Variants in CSNK1G3 observed in about 807,000 individuals in gnomAD.
CSNK1G3 encodes casein kinase 1 gamma 3, also known as casein kinase I isoform gamma-3.
CSNK1G3 carries 23 observed loss-of-function variants against 64.3 expected under a neutral mutation model. The observed-to-expected ratio is 0.36, with a 90% CI of 0.26 to 0.51. CSNK1G3 has a LOEUF of 0.51. Ranked by LOEUF, CSNK1G3 falls within the 20% of genes least tolerant of loss-of-function variation. The probability of loss-of-function intolerance (pLI) is 0.96; values close to 1 mark genes in which losing one functional copy is unlikely to be tolerated. For missense variants in CSNK1G3, 357 were observed against 510.5 expected (o/e 0.70, Z 2.90); for synonymous variants, 158 against 162.2 (o/e 0.97, Z 0.20).
chr5:123,568,038 G>A (rs2150583691), intron 4 of CSNK1G3, among the ~76,000 whole-genome samples: 1 of 152,308 alleles, frequency 6.6e-6, no homozygotes, highest in South Asian at 2.1e-4. Context: ...TTGGCAAGAG[G>A]TCAGGTGAAT....
chr5:123,513,182 G>A (rs7734476), intron 1 of CSNK1G3, among the ~76,000 whole-genome samples: 91,803 of 151,952 alleles, frequency 0.6, 28,897 homozygotes, highest in African/African-American at 0.78. Context: ...TCAAAGGTTA[G>A]CAAAATCACT....
At chr5:123,602,754 G>A (rs952885310) in intron 10 of CSNK1G3, among the ~76,000 whole-genome samples, 1 of 152,126 alleles carries the variant, frequency 6.6e-6, no homozygotes, top group Non-Finnish European at 1.5e-5. Context: ...TGAGGATATG[G>A]GTGAGTGGTT....
chr5:123,524,097 A>G (rs796343686), intron 1 of CSNK1G3, among the ~76,000 whole-genome samples: 28 of 152,310 alleles, frequency 1.8e-4, no homozygotes, highest in African/African-American at 5.8e-4. Flanking sequence ...TCTGAGGTGG[A>G]GTTTCAGTAA....
In CSNK1G3 at chr5:123,558,798, AGTT is replaced by A. The variant is rs553951340; in HGVS notation, c.289+1235_289+1237del. 2.8e-4 allele frequency among the ~76,000 whole-genome samples: 43 copies of A among 152,360 alleles called. No homozygotes were observed. The South Asian group carries it at 8.7e-3, about 31-fold the overall frequency. ...AATTATATGTGAAACTATACATATTAGTTATTATACTAGCAAATAAGAAGTTAA... is the reference window on the plus strand; with the variant it reads ...AATTATATGTGAAACTATACATATTAATTATACTAGCAAATAAGAAGTTAA... On this transcript the variant is annotated intron_variant, in intron 4 of 12. Transcript: ENST00000345990.
intron 1 of CSNK1G3, among the ~76,000 whole-genome samples, chr5:123,544,037 T>C (rs1458935734): frequency 6.6e-6 from 1 of 152,148 alleles, no homozygotes; most frequent in Non-Finnish European, 1.5e-5. Flanking sequence ...ATAGCCCTCC[T>C]GTGCAAAAAT....
At chr5:123,563,234 A>G (rs1291784337) in intron 4 of CSNK1G3, among the ~76,000 whole-genome samples, 1 of 152,072 alleles carries the variant, frequency 6.6e-6, no homozygotes, top group African/African-American at 2.4e-5. Context: ...GATATTAAAA[A>G]TACTGTTTGA....
chr5:123,611,787 G>A (rs944226051), intron 12 of CSNK1G3, among the ~76,000 whole-genome samples: 3 of 152,072 alleles, frequency 2.0e-5, no homozygotes, highest in African/African-American at 7.2e-5. Flanking sequence ...TTGAAATATG[G>A]CCATATTCTT....
chr5:123,550,549 T>C (rs1444592410), intron 2 of CSNK1G3, among the ~76,000 whole-genome samples: 4 of 152,220 alleles, frequency 2.6e-5, no homozygotes, highest in Non-Finnish European at 5.9e-5. Flanking sequence ...AATAGTTGTT[T>C]CTGCTGTAAA....
At chr5:123,529,434 A>T (rs895098197) in intron 1 of CSNK1G3, among the ~76,000 whole-genome samples, 5 of 152,184 alleles carry the variant, frequency 3.3e-5, no homozygotes, top group Non-Finnish European at 7.3e-5. Context: ...AAAATGTACT[A>T]CAGAAAGTTG....
At chr5:123,616,823 A>T (rs1231445407) in exon 13 of CSNK1G3, 3 of 152,236 alleles carry the variant, frequency 2.0e-5, no homozygotes, top group African/African-American at 7.2e-5. Flanking sequence ...TCACTCCCTA[A>T]TTTAAGATAG....
intron 4 of CSNK1G3, among the ~76,000 whole-genome samples, chr5:123,567,134 G>T (rs1787067773): frequency 1.3e-5 from 2 of 152,152 alleles, no homozygotes; most frequent in Admixed American, 6.5e-5. Context: ...AAAGCCATCA[G>T]ATCTTTTGAG....
intron 12 of CSNK1G3, among the ~76,000 whole-genome samples, chr5:123,608,734 A>G (rs1795793107): frequency 6.6e-6 from 1 of 152,120 alleles, no homozygotes; most frequent in Non-Finnish European, 1.5e-5. Context: ...AAGATGTACT[A>G]ATACTTAGGC....
exon 13 of CSNK1G3, chr5:123,615,730 A>T (rs1248580455): frequency 6.6e-6 from 1 of 152,214 alleles, no homozygotes; most frequent in East Asian, 1.9e-4. Flanking sequence ...AGAAGGGTTA[A>T]AACAAAGACT....
chr5:123,610,280 C>G (rs547319218), intron 12 of CSNK1G3, among the ~76,000 whole-genome samples: 33 of 152,070 alleles, frequency 2.2e-4, no homozygotes, highest in Non-Finnish European at 4.3e-4. Flanking sequence ...GGGAAATATT[C>G]TTTGTCAAAG....
intron 3 of CSNK1G3, among the ~76,000 whole-genome samples, chr5:123,554,251 C>T (rs889089926): frequency 2.0e-5 from 3 of 152,100 alleles, no homozygotes; most frequent in Admixed American, 6.6e-5. Flanking sequence ...TGGATTTTAC[C>T]TAGATGAGTC....
At chr5:123,600,674 A>C (rs1179396303) in intron 10 of CSNK1G3, among the ~76,000 whole-genome samples, 3 of 152,194 alleles carry the variant, frequency 2.0e-5, no homozygotes, top group East Asian at 3.9e-4. Flanking sequence ...AGTATAACTA[A>C]TTTGTATGAA....
chr5:123,610,904 CT>C (rs1796219740), intron 12 of CSNK1G3, among the ~76,000 whole-genome samples: 2 of 152,150 alleles, frequency 1.3e-5, no homozygotes, highest in African/African-American at 4.8e-5. Flanking sequence ...TAAATAAGTA[CT>C]AACTTTGTGC....
rs1481581483 is a variant in CSNK1G3, at chr5:123,525,963, A to G, written c.-248+13393A>G. Among the ~76,000 whole-genome samples, 12 of 149,956 alleles carry G rather than the reference A, an allele frequency of 8.0e-5. No individual in the cohort carries two copies. In the South Asian group the frequency reaches 2.3e-3, roughly 29 times the overall value. On this transcript the variant is annotated intron_variant, in intron 1 of 12. Transcript: ENST00000345990. Reference sequence around the variant, plus strand: ...CAGTGAGCCAAGATCGCACCACTGCACTCCAGCTTGGGCGACAGAGCGAGA... The same window carrying G: ...CAGTGAGCCAAGATCGCACCACTGCGCTCCAGCTTGGGCGACAGAGCGAGA...
intron 2 of CSNK1G3, among the ~76,000 whole-genome samples, chr5:123,550,478 A>T (rs2150331640): frequency 6.6e-6 from 1 of 152,330 alleles, no homozygotes; most frequent in South Asian, 2.1e-4. Flanking sequence ...TGTAGTCTTT[A>T]GCTGGGCAGC....
Sources: allele counts gnomAD v4.1 joint callset (sites outside exome capture counted in the v4.1 genomes callset), GRCh38; gene constraint gnomAD v4.1.1; transcripts MANE v1.5; gene names NCBI Gene and HGNC (gene_info 2026-07-23, HGNC 2026-07-21).